Variants in PUS7 observed in about 807,000 individuals in gnomAD.
PUS7 encodes pseudouridine synthase 7.
PUS7 carries 48 observed loss-of-function variants against 79.8 expected under a neutral mutation model. The ratio of observed to expected loss-of-function variants is 0.60; its 90% CI spans 0.48 to 0.76. PUS7 has a LOEUF of 0.76. Ranked by LOEUF, PUS7 falls within the 30% of genes least tolerant of loss-of-function variation. The probability of loss-of-function intolerance (pLI) is 0.00; values close to 1 mark genes in which losing one functional copy is unlikely to be tolerated. For missense variants in PUS7, 729 were observed against 797.6 expected, an observed-to-expected ratio of 0.91 and a Z score of 1.04; for synonymous variants, 286 against 272.2, an observed-to-expected ratio of 1.05 and a Z score of -0.50.
chr7:105,477,784 T>C (rs1824173579), intron 9 of PUS7, among the ~76,000 whole-genome samples: 1 of 151,570 alleles, frequency 6.6e-6, no homozygotes, highest in African/African-American at 2.4e-5. Context: ...TTTGCTCACA[T>C]TGGAAATTTC....
Position 105,502,569 on chromosome 7 carries a change from T to TA in PUS7, c.586-6dup, listed in dbSNP as rs1479270834. On this transcript the variant is annotated splice_region_variant and splice_polypyrimidine_tract_variant and intron_variant, in intron 4 of 15. Coordinates refer to ENST00000469408, the MANE Select transcript of PUS7 (RefSeq NM_019042.5). ...CTCTTTGGTGTCCTCGATAACCTAT[T>TA]AAAAAAAACAGATAGCAATACCACC... The TA allele has an allele frequency of 6.8e-6, 11 of 1,610,720 alleles. No homozygotes were observed. The highest frequency in any genetic ancestry group is 5.1e-5 in the Admixed American group (3 of 58,960).
At chr7:105,515,219 C>T (rs1215519957) in intron 1 of PUS7, among the ~76,000 whole-genome samples, 5 of 152,166 alleles carry the variant, frequency 3.3e-5, no homozygotes, top group Non-Finnish European at 7.3e-5. Flanking sequence ...AATGTACTCT[C>T]CCCAAAAAGA....
At chr7:105,509,980 G>A (rs138438310) in intron 1 of PUS7, among the ~76,000 whole-genome samples, 2,495 of 152,178 alleles carry the variant, frequency 0.016, 29 homozygotes, top group Non-Finnish European at 0.024. Flanking sequence ...CTTGTTTGAT[G>A]TATATGTATT....
chr7:105,471,762 A>G (rs1563358764), intron 10 of PUS7, among the ~76,000 whole-genome samples: 2 of 152,086 alleles, frequency 1.3e-5, no homozygotes, highest in Non-Finnish European at 2.9e-5. Context: ...AAAATACAAA[A>G]TGACCCAGGC....
At chr7:105,465,204 A>G (rs1823588401) in intron 13 of PUS7, 109 bp downstream of exon 13, 2 of 624,870 alleles carry the variant, frequency 3.2e-6, no homozygotes, top group South Asian at 5.0e-5. Flanking sequence ...ATGTGAATGC[A>G]TCCCTTTCTG....
intron 9 of PUS7, among the ~76,000 whole-genome samples, chr7:105,474,642 G>A (rs62486661): frequency 0.091 from 13,713 of 151,242 alleles, 896 homozygotes; most frequent in East Asian, 0.28. Context: ...ATAATCGGGC[G>A]TGGTGGCACG....
At chr7:105,466,984 A>G (rs1462076241) in intron 12 of PUS7, among the ~76,000 whole-genome samples, 1 of 150,508 alleles carries the variant, frequency 6.6e-6, no homozygotes, top group African/African-American at 2.4e-5. Context: ...TATGCCAGAG[A>G]CACACATGGA....
At chr7:105,478,971 C>A (rs1025433278) in intron 9 of PUS7, among the ~76,000 whole-genome samples, 2 of 152,038 alleles carry the variant, frequency 1.3e-5, no homozygotes, top group African/African-American at 4.8e-5. Flanking sequence ...TGTCCTTCTG[C>A]CAAATTAATT....
intron 5 of PUS7, among the ~76,000 whole-genome samples, chr7:105,499,550 A>AT (rs201690545): frequency 6.6e-6 from 1 of 152,246 alleles, no homozygotes; most frequent in East Asian, 1.9e-4. Context: ...TTTAGATGGT[A>AT]TTTTAAAAAA....
At chr7:105,514,125 G>T (rs1825802588) in intron 1 of PUS7, among the ~76,000 whole-genome samples, 1 of 138,426 alleles carries the variant, frequency 7.2e-6, no homozygotes, top group Admixed American at 7.4e-5. Flanking sequence ...CAGCTACTCG[G>T]GAGGCTGAGG....
At chr7:105,500,885 C>G (rs925276296) in intron 5 of PUS7, among the ~76,000 whole-genome samples, 1 of 152,194 alleles carries the variant, frequency 6.6e-6, no homozygotes, top group Non-Finnish European at 1.5e-5. Flanking sequence ...ATTAAAGAAA[C>G]ACACAGCAAC....
chr7:105,517,308 G>A (rs1825933748), intron 1 of PUS7, among the ~76,000 whole-genome samples: 1 of 151,994 alleles, frequency 6.6e-6, no homozygotes. Flanking sequence ...ATACAGGCAT[G>A]CGCCAACACG....
chr7:105,511,715 G>C (rs114793754), intron 1 of PUS7, among the ~76,000 whole-genome samples: 20,818 of 151,964 alleles, frequency 0.14, 1,828 homozygotes, highest in South Asian at 0.26. Context: ...GAGTCAAGAT[G>C]ACGCCACTGC....
chr7:105,500,433 A>G (rs1407433097), intron 5 of PUS7, among the ~76,000 whole-genome samples: 1 of 152,152 alleles, frequency 6.6e-6, no homozygotes, highest in Non-Finnish European at 1.5e-5. Context: ...TGGCCTGCAA[A>G]TGCCCTCCAC....
chr7:105,477,062 C>T (rs185845973), intron 9 of PUS7, among the ~76,000 whole-genome samples: 114 of 152,170 alleles, frequency 7.5e-4, no homozygotes, highest in Admixed American at 4.3e-3. Context: ...CTTTGATGCA[C>T]GTTTTTAATT....
At chr7:105,519,482 C>T (rs532746990) in intron 1 of PUS7, among the ~76,000 whole-genome samples, 21 of 151,960 alleles carry the variant, frequency 1.4e-4, no homozygotes, top group Non-Finnish European at 2.8e-4. Flanking sequence ...TGACCTCAAA[C>T]GAGCTGCCTG....
intron 5 of PUS7, among the ~76,000 whole-genome samples, chr7:105,501,695 C>A (rs560065011): frequency 8.5e-5 from 13 of 152,192 alleles, no homozygotes; most frequent in African/African-American, 3.1e-4. Flanking sequence ...CTGGCTCACA[C>A]CTGTAATCCT....
chr7:105,510,341 C>T (rs1217414318), intron 1 of PUS7, among the ~76,000 whole-genome samples: 1 of 151,724 alleles, frequency 6.6e-6, no homozygotes, highest in African/African-American at 2.4e-5. Flanking sequence ...ATTGTATAAC[C>T]ACGCTTACTG....
At chr7:105,513,694 C>A (rs1430167994) in intron 1 of PUS7, among the ~76,000 whole-genome samples, 1 of 145,684 alleles carries the variant, frequency 6.9e-6, no homozygotes, top group Non-Finnish European at 1.5e-5. Context: ...AAAAATTAGC[C>A]GGGTGTGGTG....
Sources: allele counts gnomAD v4.1 joint callset (sites outside exome capture counted in the v4.1 genomes callset), GRCh38; gene constraint gnomAD v4.1.1; transcripts MANE v1.5; gene names NCBI Gene and HGNC (gene_info 2026-07-23, HGNC 2026-07-21).